Variants in CDH18 observed in about 807,000 individuals in gnomAD.
CDH18 encodes cadherin-18.
Under a neutral mutation model 67.9 loss-of-function variants are expected in CDH18, and 31 were observed. The observed-to-expected ratio is 0.46, with a 90% CI of 0.34 to 0.62. CDH18 has a LOEUF of 0.62. CDH18 is among the 20% of genes least tolerant of loss of function. The pLI is 0.01. For missense variants in CDH18, 890 were observed against 975.5 expected, an observed-to-expected ratio of 0.91 and a Z score of 1.17; for synonymous variants, 362 against 347.2, an observed-to-expected ratio of 1.04 and a Z score of -0.48.
At chr5:19,675,603 T>G (rs942780635) in intron 5 of CDH18, among the ~76,000 whole-genome samples, 3 of 152,146 alleles carry the variant, frequency 2.0e-5, no homozygotes, top group Non-Finnish European at 4.4e-5. Context: ...GTTATCTCCC[T>G]TGTTCCCTGA....
At chr5:20,389,435 C>A (rs948440498) in intron 1 of CDH18, among the ~76,000 whole-genome samples, 2 of 151,932 alleles carry the variant, frequency 1.3e-5, no homozygotes, top group African/African-American at 2.4e-5. Context: ...TTATTTTGAG[C>A]CTATGTGTGT....
At chr5:19,798,042 A>G (rs1434440874) in intron 3 of CDH18, among the ~76,000 whole-genome samples, 2 of 152,090 alleles carry the variant, frequency 1.3e-5, no homozygotes, top group Non-Finnish European at 2.9e-5. Context: ...GACTTTTGAC[A>G]AAGTTGCTAG....
At chr5:19,963,382 G>A (rs1396249267) in intron 2 of CDH18, among the ~76,000 whole-genome samples, 1 of 152,068 alleles carries the variant, frequency 6.6e-6, no homozygotes, top group Non-Finnish European at 1.5e-5. Context: ...TGGTTTGGCT[G>A]TGTCCCCACC....
intron 5 of CDH18, among the ~76,000 whole-genome samples, chr5:19,639,993 T>A (rs76210867): frequency 1.0e-3 from 152 of 152,298 alleles, no homozygotes; most frequent in African/African-American, 3.1e-3. Context: ...AGAGAAAATC[T>A]ACCATTCAAC....
chr5:20,395,245 G>C (rs563921806), intron 1 of CDH18, among the ~76,000 whole-genome samples: 1 of 152,276 alleles, frequency 6.6e-6, no homozygotes, highest in South Asian at 2.1e-4. Context: ...ATACACCACT[G>C]AATACTACTC....
intron 2 of CDH18, among the ~76,000 whole-genome samples, chr5:20,229,154 C>G (rs1741870166): frequency 6.6e-6 from 1 of 151,934 alleles, no homozygotes; most frequent in Admixed American, 6.6e-5. Flanking sequence ...TGCCAAGACC[C>G]TGAAGCCTTT....
chr5:20,304,327 C>T, intron 1 of CDH18: 6 of 1,568,624 alleles, frequency 3.8e-6, no homozygotes, highest in Non-Finnish European at 5.3e-6. Context: ...CTATGACTTT[C>T]TCTTTAAATT....
chr5:19,669,199 T>G (rs1580785517), intron 5 of CDH18, among the ~76,000 whole-genome samples: 1 of 146,222 alleles, frequency 6.8e-6, no homozygotes, highest in Non-Finnish European at 1.5e-5. Flanking sequence ...ATATAATATA[T>G]GATGTAATAT....
chr5:20,472,595 A>G (rs574814109), intron 1 of CDH18, among the ~76,000 whole-genome samples: 1 of 152,348 alleles, frequency 6.6e-6, no homozygotes, highest in East Asian at 1.9e-4. Context: ...TTAAGTTAAT[A>G]CAATCATGAA....
Position 19,747,914 on chromosome 5 carries a change from C to T in CDH18, c.229-678G>A, listed in dbSNP as rs144128866. 6.6e-3 allele frequency among the ~76,000 whole-genome samples: 1,002 copies of T among 150,990 alleles called. 12 individuals are homozygous for T. The highest frequency in any genetic ancestry group is 0.024 in the African/African-American group (972 of 41,212). ...ACGAGGTCAGCAGATCGAGACCATCCTGGCTAACACGGTGAAACTCCGTCT... is the reference window on the plus strand; with the variant it reads ...ACGAGGTCAGCAGATCGAGACCATCTTGGCTAACACGGTGAAACTCCGTCT... On this transcript the variant is annotated intron_variant, in intron 3 of 12. Coordinates refer to ENST00000382275, the MANE Select transcript of CDH18 (RefSeq NM_004934.5).
At chr5:20,286,068 A>T (rs1391625919) in intron 1 of CDH18, among the ~76,000 whole-genome samples, 2 of 151,634 alleles carry the variant, frequency 1.3e-5, no homozygotes, top group Admixed American at 6.6e-5. Flanking sequence ...TGCTTTGGAT[A>T]AAAGTTTATG....
chr5:20,159,074 T>G (rs1304285776), intron 2 of CDH18: 2 of 152,470 alleles, frequency 1.3e-5, no homozygotes, highest in South Asian at 2.1e-4. Context: ...ATGAAAAATT[T>G]AGAAGATGAA....
intron 1 of CDH18, among the ~76,000 whole-genome samples, chr5:20,351,592 G>T (rs201864863): frequency 2.0e-5 from 3 of 150,870 alleles, no homozygotes; most frequent in Non-Finnish European, 3.0e-5. Context: ...AGCTGAAAAT[G>T]TTTTTTTTTG....
intron 8 of CDH18, among the ~76,000 whole-genome samples, chr5:19,570,800 C>G (rs536100071): frequency 1.3e-5 from 2 of 152,110 alleles, no homozygotes; most frequent in Non-Finnish European, 2.9e-5. Context: ...TATTATTTAG[C>G]GAGCACTTAT....
intron 2 of CDH18, among the ~76,000 whole-genome samples, chr5:19,904,285 G>GAA (rs1790282469): frequency 6.9e-6 from 1 of 144,764 alleles, no homozygotes; most frequent in Non-Finnish European, 1.5e-5. Context: ...GAAAAGAAAA[G>GAA]AAGGAAAGAA....
intron 1 of CDH18, among the ~76,000 whole-genome samples, chr5:20,565,442 G>A (rs1221854993): frequency 6.6e-6 from 1 of 152,050 alleles, no homozygotes; most frequent in Non-Finnish European, 1.5e-5. Context: ...GGTTAATTAA[G>A]CATTGCTCCT....
intron 2 of CDH18, among the ~76,000 whole-genome samples, chr5:20,168,404 C>G (rs1261740197): frequency 6.6e-6 from 1 of 151,730 alleles, no homozygotes; most frequent in African/African-American, 2.4e-5. Context: ...AATGTATACT[C>G]ATAGATTAAT....
intron 1 of CDH18, among the ~76,000 whole-genome samples, chr5:20,504,538 C>T (rs552672129): frequency 6.6e-6 from 1 of 151,982 alleles, no homozygotes; most frequent in Non-Finnish European, 1.5e-5. Context: ...AGCTTACAAT[C>T]TAGAAATATA....
At chr5:19,633,776 C>T (rs1393401003) in intron 5 of CDH18, among the ~76,000 whole-genome samples, 2 of 152,004 alleles carry the variant, frequency 1.3e-5, no homozygotes, top group Admixed American at 1.3e-4. Flanking sequence ...ACCACAGGTG[C>T]GCACTACCAT....
Sources: allele counts gnomAD v4.1 joint callset (sites outside exome capture counted in the v4.1 genomes callset), GRCh38; gene constraint gnomAD v4.1.1; transcripts MANE v1.5; gene names NCBI Gene and HGNC (gene_info 2026-07-23, HGNC 2026-07-21).